The following FAT4 variants were observed in gnomAD, a reference collection of about 807,000 sequenced individuals.
FAT4 encodes the protein FAT atypical cadherin 4.
In FAT4, 84 loss-of-function variants were observed where a neutral mutation model predicts 303.9. The observed-to-expected ratio is 0.28, with a 90% CI of 0.23 to 0.33. The LOEUF (loss-of-function observed/expected upper bound fraction) is 0.33, where lower values mean the gene tolerates loss of function less well. Among genes scored for constraint, FAT4 ranks in the 10% least tolerant of loss-of-function variants. The pLI is 1.00. For synonymous variants in FAT4, 2,307 were observed against 2,298.8 expected, an observed-to-expected ratio of 1.00 and a Z score of -0.10; for missense variants, 6,005 against 6,146.8, an observed-to-expected ratio of 0.98 and a Z score of 0.77.
chr4:125,326,957 A>C lies in FAT4; in HGVS notation c.5175+5371A>C, dbSNP rs1731182697. ...GGAGAACCACTCAAACCCTGGGAGC[A>C]GAGGCTGCAGTGAGCTGAGATCATG... On this transcript the variant is annotated intron_variant, in intron 2 of 17. Transcript: ENST00000394329. 3.3e-5 allele frequency among the ~76,000 whole-genome samples: 5 copies of C among 152,208 alleles called. No individual in the cohort carries two copies. In the South Asian group the frequency reaches 1.0e-3, roughly 32 times the overall value.
chr4:125,316,752 C>A lies in FAT4; in HGVS notation c.341C>A (p.Ala114Glu). ...DVINLVVLSS[A>E]PTYPTEVRVL... ...ATCAACCTGGTGGTCCTTTCCAGCG[C>A]GCCCACCTACCCCACCGAAGTGCGA... Residue 114 changes from alanine (A) to glutamate (E), a missense_variant, in exon 2 of 18, where the codon GCG (alanine) becomes GAG (glutamate). By Grantham distance (107) the Ala-to-Glu change is moderately radical. Transcript: ENST00000394329. This position sits in a 1 kb window ranked among gnomAD's most constrained non-coding sequence, Gnocchi z 5.7. 6.2e-7 allele frequency: 1 copy of A among 1,614,048 alleles called. No individual in the cohort carries two copies. The highest frequency in any genetic ancestry group is 8.5e-7 in the Non-Finnish European group (1 of 1,180,022).
intron 2 of FAT4, among the ~76,000 whole-genome samples, chr4:125,379,063 T>C (rs1365153274): frequency 6.6e-6 from 1 of 152,174 alleles, no homozygotes; most frequent in East Asian, 1.9e-4. Flanking sequence ...TGAAGTATAG[T>C]AAATGGTTAT....
chr4:125,339,822 T>TA (rs1289210954), intron 2 of FAT4, among the ~76,000 whole-genome samples: 2 of 152,132 alleles, frequency 1.3e-5, no homozygotes, highest in African/African-American at 2.4e-5. Context: ...TGGTCATATA[T>TA]AAGAATTTAA....
In FAT4 at chr4:125,450,129, C is replaced by A. The variant is rs778223332; in HGVS notation, c.9119C>A (p.Thr3040Lys). The A allele has an allele frequency of 6.2e-7, 1 of 1,613,664 alleles. No homozygotes were observed. The highest frequency in any genetic ancestry group is 1.1e-5 in the South Asian group (1 of 91,082). ...GGAAAATTTAAGTTGGACAATGATA[C>A]GGGGTGGATTTCAGTAGCATCCTCC... ...HLGKFKLDND[T>K]GWISVASSLI... Residue 3040 changes from threonine (T) to lysine (K), a missense_variant, in exon 10 of 18, where the codon ACG (threonine) becomes AAG (lysine). Transcript: ENST00000394329.
At chr4:125,366,355 G>A (rs1732885769) in intron 2 of FAT4, among the ~76,000 whole-genome samples, 2 of 152,076 alleles carry the variant, frequency 1.3e-5, no homozygotes, top group Non-Finnish European at 2.9e-5. Context: ...TGGAATATTT[G>A]GTTTTCTGTT....
intron 8 of FAT4, among the ~76,000 whole-genome samples, chr4:125,439,213 C>T (rs1725561064): frequency 6.6e-6 from 1 of 152,166 alleles, no homozygotes; most frequent in South Asian, 2.1e-4. Flanking sequence ...ATATGTATCC[C>T]CTTTTCTCCC....
intron 2 of FAT4, among the ~76,000 whole-genome samples, chr4:125,390,910 C>G (rs147171631): frequency 4.9e-4 from 75 of 152,096 alleles, no homozygotes; most frequent in Admixed American, 4.4e-3. Flanking sequence ...GGCCAACAAA[C>G]ATGAAAAAAA....
rs752505233 is a variant in FAT4 at position 125,317,820 on chromosome 4, A to C, written c.1409A>C (p.Asp470Ala). The C allele has an allele frequency of 6.2e-7, 1 of 1,614,126 alleles. No individual in the cohort carries two copies. The highest frequency in any genetic ancestry group is 8.5e-7 in the Non-Finnish European group (1 of 1,180,020). The change falls in exon 2 of 18, where the codon GAC (aspartate) becomes GCC (alanine). Residue 470 changes from aspartate to alanine, a missense_variant. Asp to Ala is a moderately radical substitution (Grantham distance 126). Coordinates refer to ENST00000394329, the MANE Select transcript of FAT4 (RefSeq NM_001291303.3). This position sits in a 1 kb window ranked among gnomAD's most constrained non-coding sequence, Gnocchi z 7.0. Reference sequence around the variant, plus strand: ...GTGATTTTTGTTAATGACATCAATGACCATCCTCCTGTCTTTTCACAGCAA... The same window carrying C: ...GTGATTTTTGTTAATGACATCAATGCCCATCCTCCTGTCTTTTCACAGCAA... ...SLVIFVNDIN[D>A]HPPVFSQQVY...
At chr4:125,329,184 A>G (rs1430023961) in intron 2 of FAT4, among the ~76,000 whole-genome samples, 2 of 152,206 alleles carry the variant, frequency 1.3e-5, no homozygotes, top group East Asian at 3.9e-4. Context: ...TTTGCAGCAA[A>G]ACTTTTTGAA....
intron 2 of FAT4, among the ~76,000 whole-genome samples, chr4:125,371,729 T>G (rs1733120902): frequency 6.6e-6 from 1 of 150,632 alleles, no homozygotes; most frequent in African/African-American, 2.4e-5. Flanking sequence ...TATATAAATA[T>G]ATATAAGAAA....
At chr4:125,344,561 T>C (rs1731925623) in intron 2 of FAT4, among the ~76,000 whole-genome samples, 1 of 152,156 alleles carries the variant, frequency 6.6e-6, no homozygotes, top group Non-Finnish European at 1.5e-5. Context: ...TTGCTAAATA[T>C]AAATAAAAAG....
rs771239216 is a variant in FAT4, at chr4:125,468,512, G to T, written c.11906G>T (p.Gly3969Val). Reference protein sequence around the residue: ...VDSYYCHCPFGVFGKHCELNS... With the variant: ...VDSYYCHCPFVVFGKHCELNS... ...AGTTTGTCAATTTTCCCTCCAACAG[G>T]TGTCTTTGGAAAACACTGCGAGTTG... Residue 3969 changes from glycine to valine, a missense_variant and splice_region_variant, in exon 12 of 18, where the codon GGT becomes GTT. By Grantham distance (109) the Gly-to-Val change is moderately radical. Transcript: ENST00000394329. 1 of 1,479,564 alleles carries T rather than the reference G, an allele frequency of 6.8e-7. No homozygotes were observed. Among genetic ancestry groups the T allele is most frequent in the African/African-American group, 1.4e-5 (1 of 71,958 alleles). The allele number at this position is 1,479,564 out of a possible 1,614,324, so 91.7% of individuals were successfully genotyped here.
Position 125,319,671 on chromosome 4 carries a change from C to G in FAT4, c.3260C>G (p.Thr1087Ser). 6.2e-7 allele frequency: 1 copy of G among 1,614,016 alleles called. No homozygotes were observed. The highest frequency in any genetic ancestry group is 8.5e-7 in the Non-Finnish European group (1 of 1,179,872). The stretch of plus-strand genomic sequence containing the variant: ...CCCCTTAGTGCTACTGTGAATGTTA[C>G]TGTAATTTTAGAAGATGTAAATGAT... ...VEPLSATVNV[T>S]VILEDVNDNR... Residue 1087 changes from threonine (T) to serine (S), a missense_variant, in exon 2 of 18, where the codon ACT becomes AGT. By Grantham distance (58) the Thr-to-Ser change is moderately conservative. Coordinates refer to ENST00000394329, the MANE Select transcript of FAT4 (RefSeq NM_001291303.3).
At position 125,337,703 on chromosome 4, in the gene FAT4, G is replaced by A. The variant is rs554971141; in HGVS notation, c.5175+16117G>A. Among the ~76,000 whole-genome samples the A allele has an allele frequency of 1.4e-3, 208 of 152,100 alleles. 1 individual carries two copies. Among genetic ancestry groups the A allele is most frequent in the African/African-American group, 4.9e-3 (205 of 41,538 alleles). On this transcript the variant is annotated intron_variant, in intron 2 of 17. Coordinates refer to ENST00000394329, the MANE Select transcript of FAT4 (RefSeq NM_001291303.3). Reference sequence around the variant, plus strand: ...TATGGAGGTTGCTTTAAGGATTACTGTTATTACATATAAAATTTTCCTTAC... The same window carrying A: ...TATGGAGGTTGCTTTAAGGATTACTATTATTACATATAAAATTTTCCTTAC...
chr4:125,433,787 T>G (rs534261622), intron 7 of FAT4, among the ~76,000 whole-genome samples: 1 of 152,310 alleles, frequency 6.6e-6, no homozygotes, highest in East Asian at 1.9e-4. Context: ...TCAGAGACTC[T>G]GGAATTTGTG....
At chr4:125,439,329 T>C (rs2126048140) in intron 8 of FAT4, among the ~76,000 whole-genome samples, 1 of 150,844 alleles carries the variant, frequency 6.6e-6, no homozygotes. Context: ...AAGGAAGATT[T>C]CTTTTCTTTT....
intron 2 of FAT4, among the ~76,000 whole-genome samples, chr4:125,352,544 C>T (rs1047792766): frequency 6.6e-6 from 1 of 151,768 alleles, no homozygotes; most frequent in Non-Finnish European, 1.5e-5. Flanking sequence ...CTTGACTGTT[C>T]CTCTTTTAAG....
Position 125,346,171 on chromosome 4 carries a change from T to C in FAT4, c.5175+24585T>C, listed in dbSNP as rs12648404. 1.6e-4 allele frequency among the ~76,000 whole-genome samples: 25 copies of C among 152,176 alleles called. No individual in the cohort carries two copies. The East Asian group carries it at 4.6e-3, about 28-fold the overall frequency. On this transcript the variant is annotated intron_variant, in intron 2 of 17. Transcript: ENST00000394329. Reference sequence around the variant, plus strand: ...TATGGTCACGGTAGAGCAACCTGTATTGAAGCTTGTACACAAACTTTTAAA... The same window carrying C: ...TATGGTCACGGTAGAGCAACCTGTACTGAAGCTTGTACACAAACTTTTAAA...
intron 2 of FAT4, among the ~76,000 whole-genome samples, chr4:125,359,330 T>C (rs62321342): frequency 0.32 from 48,107 of 152,052 alleles, 8,262 homozygotes; most frequent in Non-Finnish European, 0.39. Flanking sequence ...TAATGGATGT[T>C]GTTGTTTTCC....
Sources: gnomAD v4.1 joint callset for allele counts (sites outside exome capture counted in the v4.1 genomes callset) on GRCh38, gnomAD v4.1.1 for gene constraint, Gnocchi (gnomAD v3.1) non-coding constraint, MANE v1.5 for transcripts, NCBI Gene and HGNC (gene_info 2026-07-23, HGNC 2026-07-21) for gene names.